CSNK1G1: variants seen among roughly 807,000 people sequenced by gnomAD.
CSNK1G1 encodes casein kinase I isoform gamma-1.
In CSNK1G1, 22 loss-of-function variants were observed where a neutral mutation model predicts 59.6. The ratio of observed to expected loss-of-function variants is 0.37; its 90% confidence interval spans 0.26 to 0.53. The LOEUF is 0.53. Ranked by LOEUF, CSNK1G1 falls within the 20% of genes least tolerant of loss-of-function variation. The pLI is 0.89. For synonymous variants in CSNK1G1, 179 were observed against 177.1 expected, an observed-to-expected ratio of 1.01 and a Z score of -0.08; for missense variants, 384 against 519.5, an observed-to-expected ratio of 0.74 and a Z score of 2.54.
intron 10 of CSNK1G1, among the ~76,000 whole-genome samples, chr15:64,186,832 C>CT (rs11398558): frequency 0.082 from 12,309 of 150,788 alleles, 1,559 homozygotes; most frequent in African/African-American, 0.28. Context: ...ATTTTTTTCT[C>CT]TTTTTTTTTG....
chr15:64,331,837 A>G (rs1250008280), intron 1 of CSNK1G1, among the ~76,000 whole-genome samples: 3 of 150,290 alleles, frequency 2.0e-5, no homozygotes, highest in Admixed American at 6.6e-5. Flanking sequence ...ACAAGAAAAA[A>G]ACAACCCCAT....
Position 64,168,793 on chromosome 15 carries a change from A to C in CSNK1G1, c.*3138T>G, listed in dbSNP as rs2081631466. On this transcript the variant is annotated 3_prime_UTR_variant, in exon 12 of 12. Transcript: ENST00000303052. ...GAGCCCTGATTCGCTGATGGGCCTG[A>C]AACAAATGGCCAATTGCATCTAGGG... is the stretch of plus-strand genomic sequence containing the variant. 1 of 152,162 alleles carries C rather than the reference A, an allele frequency of 6.6e-6. No homozygotes were observed. The highest frequency in any genetic ancestry group is 1.5e-5 in the Non-Finnish European group (1 of 68,036). The allele number at this position is 152,162 out of a possible 1,614,324, so 9.4% of individuals were successfully genotyped here.
intron 1 of CSNK1G1, among the ~76,000 whole-genome samples, chr15:64,354,303 TCAAACAAACAAA>T (rs565576832): frequency 2.0e-5 from 3 of 152,136 alleles, no homozygotes; most frequent in Admixed American, 1.3e-4. Context: ...AGACTCTGTC[TCAAACAAACAAA>T]CAAACAAACA....
chr15:64,267,718 C>G (rs886415316), intron 2 of CSNK1G1, among the ~76,000 whole-genome samples: 14 of 152,118 alleles, frequency 9.2e-5, no homozygotes, highest in Non-Finnish European at 2.1e-4. Context: ...TAGATTAGTA[C>G]AGCCATTATG....
In CSNK1G1 at chr15:64,214,208, GT is replaced by G. The variant is rs2082282831; in HGVS notation, c.445-85del. On this transcript the variant is annotated intron_variant, in intron 5 of 11. Transcript: ENST00000303052. This position sits in a 1 kb window ranked among gnomAD's most constrained non-coding sequence, Gnocchi z 4.3. ...AAACAGTTTCTTTAGCCAGACCAAG[GT>G]TTTAATTATTGAAATAACAGTAAAA... The G allele has an allele frequency of 3.0e-6, 3 of 988,360 alleles. No individual in the cohort carries two copies. In the South Asian group the frequency reaches 4.2e-5, roughly 14 times the overall value. The allele number at this position is 988,360 out of a possible 1,614,324, so 61.2% of individuals were successfully genotyped here. A position where few individuals can be genotyped will look rare whatever the true frequency, so the allele number is the denominator to read the frequency against.
intron 2 of CSNK1G1, among the ~76,000 whole-genome samples, chr15:64,295,306 G>T (rs1266502301): frequency 6.6e-6 from 1 of 152,064 alleles, no homozygotes; most frequent in Non-Finnish European, 1.5e-5. Flanking sequence ...TCATCACCAA[G>T]GTCTGATTTT....
intron 1 of CSNK1G1, among the ~76,000 whole-genome samples, chr15:64,344,770 A>T (rs1261417912): frequency 6.6e-6 from 1 of 152,224 alleles, no homozygotes; most frequent in Non-Finnish European, 1.5e-5. Context: ...ATCTTGAGCA[A>T]GTCACTTAGC....
chr15:64,251,828 A>T (rs1460429630), intron 3 of CSNK1G1, among the ~76,000 whole-genome samples: 1 of 152,196 alleles, frequency 6.6e-6, no homozygotes, highest in Admixed American at 6.5e-5. Flanking sequence ...TCATTCAAGG[A>T]TATCTTTCTT....
At chr15:64,236,146 A>G (rs1371774113) in intron 4 of CSNK1G1, among the ~76,000 whole-genome samples, 16 of 147,698 alleles carry the variant, frequency 1.1e-4, no homozygotes, top group African/African-American at 4.0e-4. Context: ...CCATCTCAAA[A>G]AAAAAAAAAA....
chr15:64,254,604 G>C (rs1253192265), intron 3 of CSNK1G1, among the ~76,000 whole-genome samples: 1 of 152,042 alleles, frequency 6.6e-6, no homozygotes, highest in Admixed American at 6.6e-5. Context: ...CGCCTGCCTT[G>C]GCCTCCCAAA....
chr15:64,203,919 G>T (rs1339768334), intron 9 of CSNK1G1, among the ~76,000 whole-genome samples: 1 of 151,986 alleles, frequency 6.6e-6, no homozygotes, highest in Non-Finnish European at 1.5e-5. Flanking sequence ...AAGGAGGGCA[G>T]ATCACCTCAG....
intron 4 of CSNK1G1, among the ~76,000 whole-genome samples, chr15:64,219,135 G>A (rs189998218): frequency 1.3e-4 from 20 of 152,172 alleles, no homozygotes; most frequent in Middle Eastern, 3.4e-3. Flanking sequence ...GATTACAGGC[G>A]TGAGCCACCA....
intron 10 of CSNK1G1, chr15:64,181,081 G>T: frequency 7.7e-7 from 1 of 1,290,392 alleles, no homozygotes. Context: ...ATTTCCTCAT[G>T]GCTTTGAGCA....
chr15:64,230,348 G>A (rs1369169333), intron 4 of CSNK1G1, among the ~76,000 whole-genome samples: 2 of 151,168 alleles, frequency 1.3e-5, no homozygotes, highest in African/African-American at 4.9e-5. Context: ...CCAGGCTATA[G>A]TGCAGTGGCA....
intron 11 of CSNK1G1, 129 bp downstream of exon 11, chr15:64,180,217 AAC>A (rs2081793777): frequency 1.5e-6 from 1 of 677,434 alleles, no homozygotes; most frequent in Non-Finnish European, 2.6e-6. Flanking sequence ...CAAAAATTAA[AAC>A]AGTTAAGGAA....
At chr15:64,228,804 TC>T (rs1178322300) in intron 4 of CSNK1G1, among the ~76,000 whole-genome samples, 1 of 151,970 alleles carries the variant, frequency 6.6e-6, no homozygotes, top group Non-Finnish European at 1.5e-5. Context: ...TTGCTTGTGC[TC>T]AGAAGTTCAA....
At chr15:64,223,479 A>G (rs2082417768) in intron 4 of CSNK1G1, among the ~76,000 whole-genome samples, 1 of 152,182 alleles carries the variant, frequency 6.6e-6, no homozygotes, top group Admixed American at 6.5e-5. Flanking sequence ...GGATTCTTTG[A>G]TCAATGGTAT....
chr15:64,210,409 T>C lies in CSNK1G1; in HGVS notation c.680-2815A>G, dbSNP rs2082235739. On this transcript the variant is annotated intron_variant, in intron 6 of 11. Transcript: ENST00000303052. This position sits in a 1 kb window ranked among gnomAD's most constrained non-coding sequence, Gnocchi z 4.2. ...AGCATGCTTTATTTTCATACGACTT[T>C]GAACACTCCACACTTGTCCAATTCA... Among the ~76,000 whole-genome samples, 1 of 152,210 alleles carries C rather than the reference T, an allele frequency of 6.6e-6. No homozygotes were observed. Among genetic ancestry groups the C allele is most frequent in the African/African-American group, 2.4e-5 (1 of 41,464 alleles).
At chr15:64,293,085 C>T (rs1404335435) in intron 2 of CSNK1G1, among the ~76,000 whole-genome samples, 1 of 152,108 alleles carries the variant, frequency 6.6e-6, no homozygotes, top group Non-Finnish European at 1.5e-5. Context: ...CCTGATTCAG[C>T]AGAAGGCTCA....
Sources: gnomAD v4.1 joint callset for allele counts (sites outside exome capture counted in the v4.1 genomes callset) on GRCh38, gnomAD v4.1.1 for gene constraint, Gnocchi (gnomAD v3.1) non-coding constraint, MANE v1.5 for transcripts, NCBI Gene and HGNC (gene_info 2026-07-23, HGNC 2026-07-21) for gene names.